The following KANSL1 variants were observed in gnomAD, a reference collection of about 807,000 sequenced individuals.
KANSL1 encodes MLL1/MLL complex subunit KANSL1.
A neutral mutation model predicts 103.6 loss-of-function variants in KANSL1; 22 were observed. The observed-to-expected ratio is 0.21, with a 90% CI of 0.15 to 0.30. The LOEUF is 0.30. KANSL1 is among the 10% of genes least tolerant of loss of function. KANSL1 has a pLI of 1.00. For missense variants in KANSL1, 1,337 were observed against 1,399.8 expected, an observed-to-expected ratio of 0.96 and a Z score of 0.72; for synonymous variants, 600 against 527.6, an observed-to-expected ratio of 1.14 and a Z score of -1.88.
chr17:46,171,446 G>A lies in KANSL1; in HGVS notation c.698C>T (p.Ser233Phe), dbSNP rs2046284607. 3 of 1,614,118 alleles carry A rather than the reference G, an allele frequency of 1.9e-6. No homozygotes were observed. The highest frequency in any genetic ancestry group is 2.2e-5 in the South Asian group (2 of 91,082). Residue 233 changes from serine to phenylalanine, a missense_variant, in exon 2 of 15, where the codon TCT (serine) becomes TTT (phenylalanine). This residue lies in a region of KANSL1 where 557 missense variants were observed against 476.4 expected (regional missense o/e 1.17). Transcript: ENST00000432791. ...YSNNSTANKSSVNSMEQPALQ... is the reference protein window; with the variant it reads ...YSNNSTANKSFVNSMEQPALQ... ...TGCCGGCTGTTCCATGGAATTGACAGAGGATTTGTTTGCAGTGCTATTATT... is the reference window on the plus strand; with the variant it reads ...TGCCGGCTGTTCCATGGAATTGACAAAGGATTTGTTTGCAGTGCTATTATT...
Position 46,172,199 on chromosome 17 carries a change from T to C in KANSL1, c.-56A>G. On this transcript the variant is annotated 5_prime_UTR_variant, in exon 2 of 15. Coordinates refer to ENST00000432791, the MANE Select transcript of KANSL1 (RefSeq NM_015443.4). ...TCCCGATGCCGAGGCCGAGGCCAGC[T>C]CCACGGCCCCTTACTGCCTCCCCAG... The C allele has an allele frequency of 6.6e-7, 1 of 1,509,448 alleles. No individual in the cohort carries two copies. Among genetic ancestry groups the C allele is most frequent in the Non-Finnish European group, 9.0e-7 (1 of 1,116,322 alleles). 93.5% of individuals were successfully genotyped at this position (1,509,448 alleles called of 1,614,324 possible).
At chr17:46,094,454 T>G in intron 3 of KANSL1, 106 bp downstream of exon 3, 1 of 1,300,204 alleles carries the variant, frequency 7.7e-7, no homozygotes, top group Non-Finnish European at 1.1e-6. Context: ...TACTTTGCAA[T>G]AGTTAAGAAG....
intron 4 of KANSL1, among the ~76,000 whole-genome samples, chr17:46,067,967 G>A (rs1328345045): frequency 6.6e-6 from 1 of 151,840 alleles, no homozygotes; most frequent in African/African-American, 2.4e-5. Flanking sequence ...GAGAGAGAGA[G>A]GTTGACAGAG....
rs768902865 is a variant in KANSL1 at position 46,171,145 on chromosome 17, T to G, written c.999A>C (p.Pro333=). The change falls in exon 2 of 15, where the codon CCA becomes CCC. Residue 333 remains proline, a synonymous_variant. Coordinates refer to ENST00000432791, the MANE Select transcript of KANSL1 (RefSeq NM_015443.4). ...TCCGTGGTCTCAAGGATTCCAAGTT[T>G]GGCAGTTTGCTCAAAGTCTTCTCCA... ...GFLEKTLSKL[P]NLESLRPRSQ... 2.5e-6 allele frequency: 4 copies of G among 1,614,214 alleles called. No individual in the cohort carries two copies. Among genetic ancestry groups the G allele is most frequent in the Middle Eastern group, 1.6e-4 (1 of 6,062 alleles).
At chr17:46,195,077 T>C (rs2047560072), upstream of KANSL1, among the ~76,000 whole-genome samples, 1 of 152,254 alleles carries the variant, frequency 6.6e-6, no homozygotes, top group Non-Finnish European at 1.5e-5. Context: ...GGGGAAAAAC[T>C]TTGACTTTTT....
At chr17:46,038,506 G>C (rs746462091) in intron 10 of KANSL1, 32 bp downstream of exon 10, 8 of 1,610,142 alleles carry the variant, frequency 5.0e-6, no homozygotes, top group Non-Finnish European at 5.9e-6. Context: ...CCTGCAGAGG[G>C]GGTGTCCGGC....
At chr17:46,151,353 C>T (rs2045091154) in intron 2 of KANSL1, among the ~76,000 whole-genome samples, 1 of 152,198 alleles carries the variant, frequency 6.6e-6, no homozygotes, top group Admixed American at 6.5e-5. Flanking sequence ...ACCTTGAATG[C>T]TCTTCCTCAA....
intron 2 of KANSL1, among the ~76,000 whole-genome samples, chr17:46,095,407 C>G (rs75412750): frequency 6.6e-6 from 1 of 152,120 alleles, no homozygotes; most frequent in African/African-American, 2.4e-5. Context: ...CATTACCAGA[C>G]AGCCAGATTT....
At chr17:46,035,189 A>T (rs952687547) in intron 10 of KANSL1, 5 of 152,384 alleles carry the variant, frequency 3.3e-5, no homozygotes, top group Non-Finnish European at 7.3e-5. Context: ...CTGAGCTGTG[A>T]GAGGCCAGAA....
At chr17:46,223,702 T>G (rs2048599520), upstream of KANSL1, 1 of 152,524 alleles carries the variant, frequency 6.6e-6, no homozygotes, top group East Asian at 1.9e-4. Context: ...ATTCATAGTG[T>G]CAGGATATAA....
intron 6 of KANSL1, among the ~76,000 whole-genome samples, chr17:46,061,254 C>T (rs1170756482): frequency 2.0e-5 from 3 of 151,950 alleles, no homozygotes; most frequent in Non-Finnish European, 4.4e-5. Context: ...TAAAAAAATA[C>T]TATTTGTCTT....
At chr17:46,163,299 T>G (rs1006311060) in intron 2 of KANSL1, among the ~76,000 whole-genome samples, 14 of 152,242 alleles carry the variant, frequency 9.2e-5, no homozygotes, top group African/African-American at 3.4e-4. Context: ...ATGAAGGTTT[T>G]CAGGTCTCTA....
intron 2 of KANSL1, among the ~76,000 whole-genome samples, chr17:46,112,249 T>G (rs551930382): frequency 6.7e-6 from 1 of 150,342 alleles, no homozygotes; most frequent in African/African-American, 2.5e-5. Context: ...GCACCTGTAG[T>G]CCTAGCTACT....
intron 3 of KANSL1, chr17:46,088,684 G>C (rs1266902894): frequency 2.0e-5 from 3 of 152,470 alleles, no homozygotes; most frequent in Admixed American, 1.3e-4. Flanking sequence ...GACCAGCCTG[G>C]ACAACACAGC....
chr17:46,160,010 C>T (rs1025107687), intron 2 of KANSL1, among the ~76,000 whole-genome samples: 1 of 152,152 alleles, frequency 6.6e-6, no homozygotes, highest in Non-Finnish European at 1.5e-5. Flanking sequence ...AAAATAGAAT[C>T]TTTTTTCTGC....
chr17:46,183,579 G>A (rs1050257290), intron 1 of KANSL1, among the ~76,000 whole-genome samples: 2 of 151,144 alleles, frequency 1.3e-5, no homozygotes, highest in Non-Finnish European at 2.9e-5. Flanking sequence ...AGAGGAGAGA[G>A]GAGAGAGGAG....
chr17:46,055,012 G>A (rs2077867071), intron 6 of KANSL1, among the ~76,000 whole-genome samples: 1 of 151,748 alleles, frequency 6.6e-6, no homozygotes, highest in Non-Finnish European at 1.5e-5. Context: ...CACAACACCT[G>A]ACTAATGTTT....
chr17:46,175,965 A>G (rs1449614207), intron 1 of KANSL1, among the ~76,000 whole-genome samples: 1 of 152,236 alleles, frequency 6.6e-6, no homozygotes, highest in Non-Finnish European at 1.5e-5. Flanking sequence ...AGTCACTTTT[A>G]TAATATGCAA....
At chr17:46,196,246 G>C, upstream of KANSL1, 1 of 445,432 alleles carries the variant, frequency 2.2e-6, no homozygotes, top group South Asian at 1.6e-5. Context: ...AAAATGAAAA[G>C]TGATAAAAAA....
Sources: allele counts gnomAD v4.1 joint callset (sites outside exome capture counted in the v4.1 genomes callset), GRCh38; gene constraint gnomAD v4.1.1; regional missense constraint gnomAD v4.1.1; transcripts MANE v1.5; gene names NCBI Gene and HGNC (gene_info 2026-07-23, HGNC 2026-07-21).